Variants in ZBTB17 observed in about 807,000 individuals in gnomAD.
ZBTB17 encodes zinc finger and BTB domain-containing protein 17.
ZBTB17 carries 24 observed loss-of-function variants against 85.1 expected under a neutral mutation model. The observed-to-expected ratio is 0.28, with a 90% confidence interval of 0.20 to 0.40. The LOEUF (loss-of-function observed/expected upper bound fraction) is 0.40. ZBTB17 is among the 10% of genes least tolerant of loss of function. The pLI, the probability that ZBTB17 is intolerant of heterozygous loss-of-function variation, is 1.00. For synonymous variants in ZBTB17, 464 were observed against 460.2 expected (o/e 1.01, Z -0.11); for missense variants, 743 against 1,105.1 (o/e 0.67, Z 4.65).
intron 2 of ZBTB17, among the ~76,000 whole-genome samples, chr1:15,955,959 A>T (rs574005870): frequency 9.1e-4 from 139 of 152,296 alleles, no homozygotes; most frequent in African/African-American, 3.2e-3. Flanking sequence ...CTGCTCTAGG[A>T]CTATGCACAA....
intron 4 of ZBTB17, among the ~76,000 whole-genome samples, chr1:15,946,654 G>A (rs1312058605): frequency 6.6e-6 from 1 of 152,254 alleles, no homozygotes; most frequent in Non-Finnish European, 1.5e-5. Flanking sequence ...TATCTTAGCA[G>A]CTAAGGGAAG....
chr1:15,957,054 C>G (rs1472662699), intron 2 of ZBTB17, among the ~76,000 whole-genome samples: 1 of 151,890 alleles, frequency 6.6e-6, no homozygotes, highest in Non-Finnish European at 1.5e-5. Flanking sequence ...GTGGTGGGTG[C>G]CTGTAATCCC....
Position 15,963,676 on chromosome 1 carries a change from T to A in ZBTB17, c.-3+9363A>T, listed in dbSNP as rs150044811. On this transcript the variant is annotated intron_variant, in intron 2 of 15. Transcript: ENST00000375743. ...GACTACAGCCCAAATTTACACCTTA[T>A]GAAACACATATTTCAGGCAGATGAA... Among the ~76,000 whole-genome samples the A allele has an allele frequency of 3.3e-5, 5 of 152,250 alleles. No homozygotes were observed. The East Asian group carries it at 9.6e-4, about 29-fold the overall frequency.
At chr1:15,963,768 TAA>T (rs1283000765) in intron 2 of ZBTB17, among the ~76,000 whole-genome samples, 1 of 152,086 alleles carries the variant, frequency 6.6e-6, no homozygotes, top group Non-Finnish European at 1.5e-5. Flanking sequence ...AGTATATATA[TAA>T]GTGAGCAAAC....
In ZBTB17 at chr1:15,952,428, C is replaced by A. The variant is rs1340197144; in HGVS notation, c.-2-3931G>T. On this transcript the variant is annotated intron_variant, in intron 2 of 15. Coordinates refer to ENST00000375743, the MANE Select transcript of ZBTB17 (RefSeq NM_003443.3). The surrounding 1 kb of genome is among the most constrained non-coding windows in gnomAD (Gnocchi z 4.3). ...GCACACTGACACAGCGGAACAGACG[C>A]GGCAGAACCGACACGGCGGAACGGA... Among the ~76,000 whole-genome samples, 1 of 152,232 alleles carries A rather than the reference C, an allele frequency of 6.6e-6. No individual in the cohort carries two copies. The highest frequency in any genetic ancestry group is 2.4e-5 in the African/African-American group (1 of 41,460).
chr1:15,957,337 C>T (rs1265213460), intron 2 of ZBTB17, among the ~76,000 whole-genome samples: 6 of 135,080 alleles, frequency 4.4e-5, no homozygotes, highest in South Asian at 2.3e-4. Context: ...AACCCTGAGG[C>T]GGGCATGACT....
chr1:15,957,042 T>C, intron 2 of ZBTB17, among the ~76,000 whole-genome samples: 1 of 151,710 alleles, frequency 6.6e-6, no homozygotes, highest in African/African-American at 2.4e-5. Context: ...TAGCCGGGCA[T>C]GGTGGTGGGT....
chr1:15,942,297 C>T (rs375137445), intron 15 of ZBTB17, 34 bp downstream of exon 15: 1 of 1,613,868 alleles, frequency 6.2e-7, no homozygotes, highest in South Asian at 1.1e-5. Flanking sequence ...ACCCCGGGCT[C>T]TGCCCACATT....
At chr1:15,974,112 G>C (rs550218934) in intron 1 of ZBTB17, among the ~76,000 whole-genome samples, 18 of 150,476 alleles carry the variant, frequency 1.2e-4, no homozygotes, top group Middle Eastern at 3.4e-3. Flanking sequence ...GATCACTTGA[G>C]TTCAGATCAA....
chr1:15,974,853 AG>A (rs1178328361), intron 1 of ZBTB17, among the ~76,000 whole-genome samples: 2 of 152,216 alleles, frequency 1.3e-5, no homozygotes, highest in African/African-American at 4.8e-5. Flanking sequence ...TGAGATTACA[AG>A]CGTGAGACAA....
At chr1:15,943,333 A>C in intron 12 of ZBTB17, 66 bp downstream of exon 12, 2 of 1,582,162 alleles carry the variant, frequency 1.3e-6, no homozygotes, top group Non-Finnish European at 1.7e-6. Flanking sequence ...CCAAGCCCCC[A>C]GTTTGTCTTC....
At chr1:15,943,362 G>C (rs1557770414) in intron 12 of ZBTB17, 37 bp downstream of exon 12, 4 of 1,580,736 alleles carry the variant, frequency 2.5e-6, no homozygotes, top group Non-Finnish European at 3.4e-6. Context: ...CTCACTGTGG[G>C]GTGTCTGGCC....
chr1:15,974,824 C>A (rs1247837511), intron 1 of ZBTB17, among the ~76,000 whole-genome samples: 2 of 152,202 alleles, frequency 1.3e-5, no homozygotes, highest in Non-Finnish European at 2.9e-5. Context: ...GATCTGCCCG[C>A]CTGGGCCTCC....
At chr1:15,957,618 C>A (rs1038979023) in intron 2 of ZBTB17, among the ~76,000 whole-genome samples, 1 of 152,140 alleles carries the variant, frequency 6.6e-6, no homozygotes, top group Non-Finnish European at 1.5e-5. Flanking sequence ...GCCCCTCTGA[C>A]TGCAGTGCAA....
intron 10 of ZBTB17, 35 bp from the exon 11 acceptor site, chr1:15,943,750 C>T: frequency 1.2e-6 from 2 of 1,612,656 alleles, no homozygotes; most frequent in South Asian, 2.2e-5. Context: ...TGGCGTGGGG[C>T]ACCACCGGTG....
At chr1:15,975,948 G>T (rs1323532918) in intron 1 of ZBTB17, 35 bp downstream of exon 1, 1 of 698,008 alleles carries the variant, frequency 1.4e-6, no homozygotes, top group Non-Finnish European at 2.6e-6. Flanking sequence ...CGGCTCCCGG[G>T]ACTTCCCCGG....
At chr1:15,965,325 A>G (rs2072405414) in intron 2 of ZBTB17, among the ~76,000 whole-genome samples, 1 of 152,120 alleles carries the variant, frequency 6.6e-6, no homozygotes, top group Non-Finnish European at 1.5e-5. Flanking sequence ...TGTTTCCGAG[A>G]AGATGAAATC....
At chr1:15,960,891 T>C (rs907293283) in intron 2 of ZBTB17, among the ~76,000 whole-genome samples, 1 of 152,210 alleles carries the variant, frequency 6.6e-6, no homozygotes, top group Non-Finnish European at 1.5e-5. Context: ...AGGTCCCTTG[T>C]AGTGTTAAGA....
At chr1:15,944,172 CT>C in intron 9 of ZBTB17, 127 bp downstream of exon 9, 1 of 1,375,922 alleles carries the variant, frequency 7.3e-7, no homozygotes, top group African/African-American at 1.4e-5. Context: ...CGCCTGTTTC[CT>C]GGGTGAACAA....
Sources: gnomAD v4.1 joint callset for allele counts (sites outside exome capture counted in the v4.1 genomes callset) on GRCh38, gnomAD v4.1.1 for gene constraint, Gnocchi (gnomAD v3.1) non-coding constraint, MANE v1.5 for transcripts, NCBI Gene and HGNC (gene_info 2026-07-23, HGNC 2026-07-21) for gene names.